The following ANKHD1 variants were observed in gnomAD, a reference collection of about 807,000 sequenced individuals.
ANKHD1 encodes ankyrin repeat and KH domain containing 1, also known as ankyrin repeat and KH domain-containing protein 1.
In ANKHD1, 31 loss-of-function variants were observed where a neutral mutation model predicts 230.5. That is an observed-to-expected ratio of 0.13 (90% CI 0.10 to 0.18). The LOEUF (loss-of-function observed/expected upper bound fraction) is 0.18. ANKHD1 is among the 10% of genes least tolerant of loss of function. The pLI is 1.00. For missense variants in ANKHD1, 2,256 were observed against 3,071.3 expected, an observed-to-expected ratio of 0.73 and a Z score of 6.27; for synonymous variants, 1,074 against 1,117.6, an observed-to-expected ratio of 0.96 and a Z score of 0.78.
At chr5:140,510,303 T>C (rs1335059448) in intron 22 of ANKHD1, 122 bp downstream of exon 22, 54 of 1,055,566 alleles carry the variant, frequency 5.1e-5, no homozygotes, top group Non-Finnish European at 6.6e-5. Context: ...CTGCTATCTT[T>C]CCATTCTTTT....
intron 10 of ANKHD1, chr5:140,472,515 A>G (rs557512027): frequency 1.7e-6 from 2 of 1,190,334 alleles, no homozygotes; most frequent in East Asian, 6.7e-5. Flanking sequence ...TGATATTCCT[A>G]AAAAAATCTC....
At chr5:140,479,191 G>GT (rs1452207314) in intron 10 of ANKHD1, among the ~76,000 whole-genome samples, 2 of 150,550 alleles carry the variant, frequency 1.3e-5, no homozygotes, top group African/African-American at 4.9e-5. Flanking sequence ...ATTTTACGGG[G>GT]TTTCACCATG....
chr5:140,486,975 G>A lies in ANKHD1; in HGVS notation c.2160G>A (p.Thr720=), dbSNP rs371378838. Residue 720 remains threonine, a synonymous_variant, in exon 14 of 34, where the codon ACG becomes ACA. Coordinates refer to ENST00000360839, the MANE Select transcript of ANKHD1 (RefSeq NM_017747.3). ...QDQSQVPRVP[T]HTLAMVVPPQ... ...CTTTTTAGGTGCCACGTGTGCCAAC[G>A]CATACACTTGCCATGGTTGTACCTC... 21 of 1,612,452 alleles carry A rather than the reference G, an allele frequency of 1.3e-5. No individual in the cohort carries two copies. The highest frequency in any genetic ancestry group is 9.9e-5 in the South Asian group (9 of 90,962).
rs1753590895 is a variant in ANKHD1 at position 140,525,940 on chromosome 5, A to G, written c.4493-56A>G. The stretch of plus-strand genomic sequence containing the variant: ...TGAATTATCAAATATATTCTGTCAG[A>G]ATTTGTTTTGAGATCTGTGACTCAG... On this transcript the variant is annotated intron_variant, in intron 25 of 33. Transcript: ENST00000360839. The G allele has an allele frequency of 1.5e-5, 23 of 1,509,038 alleles. No homozygotes were observed. In the South Asian group the frequency reaches 3.2e-4, roughly 21 times the overall value. 93.5% of individuals were successfully genotyped at this position (1,509,038 alleles called of 1,614,324 possible). A position where few individuals can be genotyped will look rare whatever the true frequency, so the allele number is the denominator to read the frequency against.
intron 1 of ANKHD1, among the ~76,000 whole-genome samples, chr5:140,429,672 T>G (rs1772871771): frequency 6.6e-6 from 1 of 152,216 alleles, no homozygotes; most frequent in Non-Finnish European, 1.5e-5. Context: ...TTTTTTACTA[T>G]TAATAACATT....
In ANKHD1 at chr5:140,519,056, TCTC is replaced by T. The variant is rs1224220717; in HGVS notation, c.4318-5007_4318-5005del. 2.6e-5 allele frequency among the ~76,000 whole-genome samples: 4 copies of T among 152,234 alleles called. No homozygotes were observed. The East Asian group carries it at 7.7e-4, about 29-fold the overall frequency. On this transcript the variant is annotated intron_variant, in intron 24 of 33. Coordinates refer to ENST00000360839, the MANE Select transcript of ANKHD1 (RefSeq NM_017747.3). The stretch of plus-strand genomic sequence containing the variant: ...AAAACCCCATTGTCTCAGCCCAAAA[TCTC>T]CTTAAGCTGATAAGCAACTTCAGCA...
At chr5:140,501,316 G>C (rs1302996855) in intron 15 of ANKHD1, among the ~76,000 whole-genome samples, 2 of 151,442 alleles carry the variant, frequency 1.3e-5, no homozygotes, top group Non-Finnish European at 2.9e-5. Context: ...CTGACCTCGT[G>C]ATCTGCCCGC....
At chr5:140,497,374 A>G in intron 15 of ANKHD1, 96 bp downstream of exon 15, 2 of 1,475,222 alleles carry the variant, frequency 1.4e-6, no homozygotes, top group Admixed American at 2.4e-5. Context: ...GTACGTTTCC[A>G]TTTTAGAACT....
chr5:140,524,390 A>G, intron 25 of ANKHD1, 150 bp downstream of exon 25: 1 of 1,340,760 alleles, frequency 7.5e-7, no homozygotes, highest in South Asian at 2.0e-5. Flanking sequence ...AAATATTTGT[A>G]AGTGTTTTGC....
chr5:140,473,730 G>C (rs1167231837), intron 10 of ANKHD1, among the ~76,000 whole-genome samples: 1 of 152,198 alleles, frequency 6.6e-6, no homozygotes. Flanking sequence ...CTTCTACTCA[G>C]TTTGTATAAT....
At position 140,485,355 on chromosome 5, in the gene ANKHD1, G is replaced by C. The variant is rs1751454165; in HGVS notation, c.1998+107G>C. 7 of 1,444,214 alleles carry C rather than the reference G, an allele frequency of 4.8e-6. No homozygotes were observed. In the South Asian group the frequency reaches 8.6e-5, roughly 18 times the overall value. 89.5% of individuals were successfully genotyped at this position (1,444,214 alleles called of 1,614,324 possible). The stretch of plus-strand genomic sequence containing the variant: ...GTGGATCACTTGAGCCCAGGAGTTT[G>C]AGACTAGTCTAGGCAACATAAGGAG... On this transcript the variant is annotated intron_variant, in intron 12 of 33. Transcript: ENST00000360839. This position sits in a 1 kb window ranked among gnomAD's most constrained non-coding sequence, Gnocchi z 4.8.
chr5:140,436,183 C>T lies in ANKHD1; in HGVS notation c.386C>T (p.Thr129Ile). 6.2e-7 allele frequency: 1 copy of T among 1,611,112 alleles called. No individual in the cohort carries two copies. The highest frequency in any genetic ancestry group is 8.5e-7 in the Non-Finnish European group (1 of 1,178,656). The stretch of plus-strand genomic sequence containing the variant: ...ACATCAGAGATATTCTTATCAAGTA[C>T]TGCAGAAGGAGCAGACTTACGCACT... ...KTTSEIFLSS[T>I]AEGADLRTVD... The change falls in exon 2 of 34, where the codon ACT becomes ATT. Residue 129 changes from threonine to isoleucine, a missense_variant. Around this residue, in one of 13 missense-constraint regions of ANKHD1, gnomAD observed 193 missense variants for 185.8 expected, o/e 1.04. Transcript: ENST00000360839.
At position 140,485,622 on chromosome 5, in the gene ANKHD1, G is replaced by T. The variant is rs1381370612; in HGVS notation, c.2032G>T (p.Gly678Cys). ...GSTMLIEAAK[G>C]GHTNVVSYLL... ...AACAATGCTCATTGAAGCTGCAAAG[G>T]GTGGCCATACTAATGTAGTTTCTTA... is the stretch of plus-strand genomic sequence containing the variant. Residue 678 changes from glycine to cysteine, a missense_variant, in exon 13 of 34, where the codon GGT becomes TGT. Physicochemically the swap from Gly to Cys is radical, Grantham distance 159. This residue lies in a region of ANKHD1 where 23 missense variants were observed against 51.8 expected (regional missense o/e 0.44). Transcript: ENST00000360839. This position sits in a 1 kb window ranked among gnomAD's most constrained non-coding sequence, Gnocchi z 4.8. 2 of 1,613,852 alleles carry T rather than the reference G, an allele frequency of 1.2e-6. No homozygotes were observed. Among genetic ancestry groups the T allele is most frequent in the Non-Finnish European group, 8.5e-7 (1 of 1,179,956 alleles).
intron 14 of ANKHD1, among the ~76,000 whole-genome samples, chr5:140,495,391 A>G (rs1581336719): frequency 6.6e-6 from 1 of 151,484 alleles, no homozygotes; most frequent in Admixed American, 6.6e-5. Context: ...GACTACAGGC[A>G]CCCGCCACCA....
chr5:140,466,029 C>A (rs1581293541), intron 10 of ANKHD1, among the ~76,000 whole-genome samples: 1 of 152,138 alleles, frequency 6.6e-6, no homozygotes. Context: ...TAAATTCTTA[C>A]CTGGATTCTC....
chr5:140,505,688 CAT>C, intron 17 of ANKHD1, 34 bp from the exon 18 acceptor site: 1 of 1,563,712 alleles, frequency 6.4e-7, no homozygotes, highest in South Asian at 1.2e-5. Flanking sequence ...AAATAAAAAA[CAT>C]AAATTTGTTT....
In ANKHD1 at chr5:140,505,153, T is replaced by C; in HGVS notation, c.3182T>C (p.Leu1061Pro). The C allele has an allele frequency of 6.2e-7, 1 of 1,614,136 alleles. No homozygotes were observed. Among genetic ancestry groups the C allele is most frequent in the Non-Finnish European group, 8.5e-7 (1 of 1,180,008 alleles). Residue 1061 changes from leucine (L) to proline (P), a missense_variant, in exon 17 of 34, where the codon CTA becomes CCA. Coordinates refer to ENST00000360839, the MANE Select transcript of ANKHD1 (RefSeq NM_017747.3). The stretch of plus-strand genomic sequence containing the variant: ...AGCAATCATGACACAGCATTAACAC[T>C]AGCTTGTGCAGGTGGTCATGAAGAA... ...TESNHDTALT[L>P]ACAGGHEELV... is the part of the protein sequence containing the mutation.
At chr5:140,444,487 A>G (rs1349595114) in intron 5 of ANKHD1, among the ~76,000 whole-genome samples, 2 of 152,204 alleles carry the variant, frequency 1.3e-5, no homozygotes, top group Non-Finnish European at 2.9e-5. Context: ...AGGAGAGACC[A>G]GGGATCATAA....
chr5:140,426,500 T>TTTTATTTATTTA (rs3084523), intron 1 of ANKHD1, among the ~76,000 whole-genome samples: 221 of 151,792 alleles, frequency 1.5e-3, no homozygotes, highest in African/African-American at 4.8e-3. Flanking sequence ...CCTTGAACTT[T>TTTTATTTATTTA]TTTATTTATT....
Sources: allele counts gnomAD v4.1 joint callset (sites outside exome capture counted in the v4.1 genomes callset), GRCh38; gene constraint gnomAD v4.1.1; regional missense constraint gnomAD v4.1.1; non-coding constraint Gnocchi (gnomAD v3.1); transcripts MANE v1.5; gene names NCBI Gene and HGNC (gene_info 2026-07-23, HGNC 2026-07-21).